Variants in DUSP29 observed in about 807,000 individuals in gnomAD.
DUSP29 encodes dual specificity phosphatase 29, also known as atypical dual-specific protein phosphatase.
DUSP29 carries 12 observed loss-of-function variants against 13.5 expected under a neutral mutation model. That is an observed-to-expected ratio of 0.89 (90% CI 0.57 to 1.44). DUSP29 has a LOEUF of 1.44. DUSP29 is among the 40% of genes most tolerant of loss of function. DUSP29 has a pLI of 0.00. For missense variants in DUSP29, 308 were observed against 301.1 expected (o/e 1.02, Z -0.17); for synonymous variants, 134 against 128.7 (o/e 1.04, Z -0.28).
At chr10:75,039,990 G>A (rs1252378132) in intron 3 of DUSP29, among the ~76,000 whole-genome samples, 1 of 152,104 alleles carries the variant, frequency 6.6e-6, no homozygotes, top group Non-Finnish European at 1.5e-5. Context: ...GACCAGACTG[G>A]CCAACATGGT....
intron 1 of DUSP29, among the ~76,000 whole-genome samples, chr10:75,060,406 G>GT (rs1238540903): frequency 6.6e-6 from 1 of 151,572 alleles, no homozygotes; most frequent in Non-Finnish European, 1.5e-5. Context: ...AGCCCAGGAG[G>GT]CTGAGGCTAT....
chr10:75,042,525 T>C (rs751060722), intron 3 of DUSP29, among the ~76,000 whole-genome samples: 4 of 152,250 alleles, frequency 2.6e-5, no homozygotes, highest in African/African-American at 9.6e-5. Flanking sequence ...GGTTCATAAA[T>C]AGACTCATAA....
At chr10:75,051,387 G>A (rs1009153432) in intron 2 of DUSP29, among the ~76,000 whole-genome samples, 3 of 152,236 alleles carry the variant, frequency 2.0e-5, no homozygotes, top group Admixed American at 1.3e-4. Flanking sequence ...AGGCGAAGAA[G>A]CTGAAAGTCA....
intron 3 of DUSP29, among the ~76,000 whole-genome samples, chr10:75,039,304 G>C (rs1846536395): frequency 6.6e-6 from 1 of 152,154 alleles, no homozygotes; most frequent in African/African-American, 2.4e-5. Context: ...CATACAGTCA[G>C]AGCACCTGGA....
chr10:75,054,935 A>G (rs1052408152), intron 2 of DUSP29, among the ~76,000 whole-genome samples: 3 of 151,974 alleles, frequency 2.0e-5, no homozygotes, highest in Non-Finnish European at 2.9e-5. Flanking sequence ...GACCTCCTGG[A>G]CTCAAGTGAT....
chr10:75,052,549 C>T (rs1004705903), intron 2 of DUSP29, among the ~76,000 whole-genome samples: 4 of 152,144 alleles, frequency 2.6e-5, no homozygotes, highest in African/African-American at 9.6e-5. Flanking sequence ...CCTCGTAATC[C>T]GCCTGCCTCG....
At chr10:75,052,786 C>T (rs1288646683) in intron 2 of DUSP29, among the ~76,000 whole-genome samples, 1 of 152,186 alleles carries the variant, frequency 6.6e-6, no homozygotes. Context: ...GGTAAAATAA[C>T]CTGCCCAAAG....
intron 1 of DUSP29, among the ~76,000 whole-genome samples, chr10:75,062,402 C>T (rs954398389): frequency 2.0e-5 from 3 of 152,206 alleles, no homozygotes; most frequent in Non-Finnish European, 2.9e-5. Context: ...TGAAGCTGAC[C>T]TCACCCTTGG....
At chr10:75,039,495 G>T (rs367844114) in intron 3 of DUSP29, among the ~76,000 whole-genome samples, 11 of 152,130 alleles carry the variant, frequency 7.2e-5, no homozygotes, top group Non-Finnish European at 1.6e-4. Context: ...CAGCCGGGGC[G>T]ACAGAGCAAG....
At chr10:75,070,458 A>C (rs757536404) in intron 1 of DUSP29, among the ~76,000 whole-genome samples, 20 of 152,142 alleles carry the variant, frequency 1.3e-4, no homozygotes, top group Non-Finnish European at 2.8e-4. Context: ...CGGCTTCCTC[A>C]TCTGTCAAAT....
At chr10:75,038,467 G>A (rs999493097) in intron 3 of DUSP29, among the ~76,000 whole-genome samples, 2 of 152,074 alleles carry the variant, frequency 1.3e-5, no homozygotes, top group African/African-American at 4.8e-5. Context: ...GGGTGTGAAC[G>A]TGTCCAGCTG....
At chr10:75,058,257 C>T (rs1302886179) in intron 2 of DUSP29, 58 bp downstream of exon 2, 179 of 1,564,098 alleles carry the variant, frequency 1.1e-4, no homozygotes, top group Non-Finnish European at 1.4e-4. Flanking sequence ...TGGCGCAGGG[C>T]GTGGCCTGGG....
At chr10:75,067,274 T>A (rs1847226214) in intron 1 of DUSP29, among the ~76,000 whole-genome samples, 1 of 152,002 alleles carries the variant, frequency 6.6e-6, no homozygotes, top group Non-Finnish European at 1.5e-5. Context: ...TTTCTTTAAG[T>A]AAAAGAAAAC....
intron 3 of DUSP29, among the ~76,000 whole-genome samples, chr10:75,039,148 T>A (rs1262150849): frequency 6.6e-6 from 1 of 152,164 alleles, no homozygotes; most frequent in African/African-American, 2.4e-5. Flanking sequence ...CTTGTTGCAG[T>A]GGGAGAGATC....
intron 1 of DUSP29, among the ~76,000 whole-genome samples, chr10:75,066,725 C>T (rs1161140947): frequency 6.6e-6 from 1 of 152,066 alleles, no homozygotes. Flanking sequence ...GCCCTCAGGA[C>T]AAGGTCTGAC....
chr10:75,055,702 C>A (rs1225779461), intron 2 of DUSP29, among the ~76,000 whole-genome samples: 1 of 152,104 alleles, frequency 6.6e-6, no homozygotes, highest in Non-Finnish European at 1.5e-5. Context: ...ATAACAAAAG[C>A]TCTGAATTGT....
At chr10:75,059,040 G>A (rs547429401) in intron 1 of DUSP29, among the ~76,000 whole-genome samples, 25 of 152,180 alleles carry the variant, frequency 1.6e-4, no homozygotes, top group Non-Finnish European at 2.6e-4. Context: ...ATACCTGCCC[G>A]GGCCTGGGTC....
At chr10:75,046,778 A>G (rs1348729330) in intron 2 of DUSP29, among the ~76,000 whole-genome samples, 1 of 152,226 alleles carries the variant, frequency 6.6e-6, no homozygotes, top group East Asian at 1.9e-4. Flanking sequence ...TACAACAAAC[A>G]TTATGCTTTG....
intron 2 of DUSP29, among the ~76,000 whole-genome samples, chr10:75,054,303 A>G (rs1846909400): frequency 6.6e-6 from 1 of 152,244 alleles, no homozygotes; most frequent in African/African-American, 2.4e-5. Context: ...TAGAAAAAAC[A>G]TTATGTGTAA....
Sources: allele counts gnomAD v4.1 joint callset (sites outside exome capture counted in the v4.1 genomes callset), GRCh38; gene constraint gnomAD v4.1.1; transcripts MANE v1.5; gene names NCBI Gene and HGNC (gene_info 2026-07-23, HGNC 2026-07-21).